The following SYNE2 variants were observed in gnomAD, a reference collection of about 807,000 sequenced individuals.
SYNE2 encodes nesprin-2.
Under a neutral mutation model 856.3 loss-of-function variants are expected in SYNE2, and 431 were observed. The ratio of observed to expected loss-of-function variants is 0.50; its 90% CI spans 0.47 to 0.55. The LOEUF (loss-of-function observed/expected upper bound fraction) is 0.55. SYNE2 is among the 20% of genes least tolerant of loss of function. The probability of loss-of-function intolerance (pLI) is 0.00; values close to 1 mark genes in which losing one functional copy is unlikely to be tolerated. For missense variants in SYNE2, 8,129 were observed against 8,023.2 expected, an observed-to-expected ratio of 1.01 and a Z score of -0.50; for synonymous variants, 2,923 against 2,872.3, an observed-to-expected ratio of 1.02 and a Z score of -0.56.
intron 1 of SYNE2, among the ~76,000 whole-genome samples, chr14:63,836,961 T>G (rs916756176): frequency 4.6e-5 from 7 of 152,218 alleles, no homozygotes; most frequent in Non-Finnish European, 1.5e-5. Flanking sequence ...TGATATTCCA[T>G]TGTAAGAAAA....
intron 2 of SYNE2, among the ~76,000 whole-genome samples, chr14:63,921,620 A>C (rs1386730253): frequency 6.6e-6 from 1 of 152,208 alleles, no homozygotes. Context: ...AGTACCAAGA[A>C]GTATCCATTA....
chr14:63,798,294 C>T (rs1368473978), intron 1 of SYNE2, among the ~76,000 whole-genome samples: 1 of 152,152 alleles, frequency 6.6e-6, no homozygotes, highest in African/African-American at 2.4e-5. Flanking sequence ...AAACAATCTT[C>T]CCACCCTGTC....
intron 1 of SYNE2, among the ~76,000 whole-genome samples, chr14:63,773,050 T>A (rs1886977753): frequency 6.6e-6 from 1 of 152,044 alleles, no homozygotes; most frequent in Non-Finnish European, 1.5e-5. Context: ...AGTGCTGGGA[T>A]TACAGGCATG....
At chr14:64,093,324 C>CT (rs1286642489) in intron 60 of SYNE2, 25 bp from the exon 61 acceptor site, 1 of 1,612,880 alleles carries the variant, frequency 6.2e-7, no homozygotes, top group East Asian at 2.2e-5. Flanking sequence ...GACAAAGATT[C>CT]TTTTTTGTGG....
intron 32 of SYNE2, among the ~76,000 whole-genome samples, chr14:64,012,206 C>T (rs992635975): frequency 1.3e-5 from 2 of 152,100 alleles, no homozygotes; most frequent in Non-Finnish European, 2.9e-5. Flanking sequence ...TTCTCTGCAC[C>T]CTCCCCGCTA....
chr14:63,854,539 G>T (rs1313169793), intron 1 of SYNE2, among the ~76,000 whole-genome samples: 1 of 152,212 alleles, frequency 6.6e-6, no homozygotes, highest in Non-Finnish European at 1.5e-5. Flanking sequence ...TGGGGCGGTG[G>T]GAACAGGTGT....
intron 8 of SYNE2, among the ~76,000 whole-genome samples, chr14:63,956,691 GA>G (rs901083757): frequency 9.6e-5 from 14 of 146,012 alleles, no homozygotes; most frequent in South Asian, 2.2e-4. Flanking sequence ...AAAATATTTG[GA>G]AAAAAAAAAG....
chr14:64,061,955 C>T (rs956364540), intron 49 of SYNE2, among the ~76,000 whole-genome samples: 15 of 152,154 alleles, frequency 9.9e-5, no homozygotes, highest in African/African-American at 3.6e-4. Context: ...CAGTTTGACT[C>T]CCTAATTCCT....
chr14:63,997,700 G>A (rs965448753), intron 25 of SYNE2, among the ~76,000 whole-genome samples: 2 of 152,150 alleles, frequency 1.3e-5, no homozygotes, highest in African/African-American at 2.4e-5. Flanking sequence ...GGTTGAGCTT[G>A]ATCTGTACAG....
chr14:64,139,357 T>G (rs2098122372), intron 79 of SYNE2, among the ~76,000 whole-genome samples: 1 of 144,022 alleles, frequency 6.9e-6, no homozygotes, highest in South Asian at 2.2e-4. Flanking sequence ...TGGGTATACT[T>G]TTGTGTAGCT....
In SYNE2 at chr14:64,226,249, C is replaced by CTTGA. The variant is rs1567713269; in HGVS notation, c.*725_*728dup. ...TGTAAAGTAAATGCCAAACTACCGACTTGATAGGGATGTTTTTGTAAGTTA... is the reference window on the plus strand; with the variant it reads ...TGTAAAGTAAATGCCAAACTACCGACTTGATTGATAGGGATGTTTTTGTAAGTTA... On this transcript the variant is annotated 3_prime_UTR_variant, in exon 116 of 116. Transcript: ENST00000555002. The CTTGA allele has an allele frequency of 7.2e-6, 1 of 138,928 alleles. No homozygotes were observed. The highest frequency in any genetic ancestry group is 1.5e-5 in the Non-Finnish European group (1 of 66,392). The allele number at this position is 138,928 out of a possible 1,614,324, so 8.6% of individuals were successfully genotyped here.
chr14:64,100,534 ATATAT>A lies in SYNE2; in HGVS notation c.12382-1397_12382-1393del, dbSNP rs2097717583. ...TGTCTCAAAAAAAAAAAAAAAAAAT[ATATAT>A]ATATATATATATATATATATATATA... On this transcript the variant is annotated intron_variant, in intron 63 of 115. Transcript: ENST00000555002. Among the ~76,000 whole-genome samples, 119 of 46,596 alleles carry A rather than the reference ATATAT, an allele frequency of 2.6e-3. 2 individuals carry two copies. The highest frequency in any genetic ancestry group is 0.012 in the African/African-American group (99 of 8,468). The allele number at this position is 46,596 out of a possible 152,430, so 30.6% of individuals were successfully genotyped here. A position where few individuals can be genotyped will look rare whatever the true frequency, so the allele number is the denominator to read the frequency against.
intron 11 of SYNE2, among the ~76,000 whole-genome samples, chr14:63,973,631 C>CAAAAAA (rs60498158): frequency 3.0e-5 from 2 of 67,772 alleles, no homozygotes; most frequent in Non-Finnish European, 5.6e-5. Flanking sequence ...GAGTCCATCT[C>CAAAAAA]AAAAAAAAAA....
chr14:64,187,374 T>C (rs1216122615), intron 97 of SYNE2, among the ~76,000 whole-genome samples: 1 of 152,216 alleles, frequency 6.6e-6, no homozygotes, highest in Non-Finnish European at 1.5e-5. Flanking sequence ...TTTAGAACTT[T>C]TCAATTTTTA....
intron 41 of SYNE2, among the ~76,000 whole-genome samples, chr14:64,025,914 A>T (rs956196309): frequency 1.3e-5 from 2 of 152,144 alleles, no homozygotes; most frequent in East Asian, 3.8e-4. Context: ...AAACATTTTT[A>T]AAAATTAAAA....
At chr14:63,866,539 C>T (rs995627091) in intron 1 of SYNE2, among the ~76,000 whole-genome samples, 28 of 151,946 alleles carry the variant, frequency 1.8e-4, no homozygotes, top group African/African-American at 6.8e-4. Context: ...TTCTATATTC[C>T]TTTGGACAAC....
intron 58 of SYNE2, among the ~76,000 whole-genome samples, chr14:64,088,801 T>G (rs2097582960): frequency 6.6e-6 from 1 of 152,164 alleles, no homozygotes. Flanking sequence ...CATTTGTTAC[T>G]CAGTTACATT....
Position 64,065,516 on chromosome 14 carries a change from G to A in SYNE2, c.10297G>A (p.Glu3433Lys), listed in dbSNP as rs1251884268. The stretch of plus-strand genomic sequence containing the variant: ...TAGACTCTTGAGACTCAGGTGCACA[G>A]AAAATGATGGCATATGTTTGCTCAA... ...ILRLLRLRCT[E>K]NDGICLLKIV... The change falls in exon 51 of 116, where the codon GAA becomes AAA. Residue 3433 changes from glutamate to lysine, a missense_variant. Around this residue, in one of 3 missense-constraint regions of SYNE2, gnomAD observed 5,410 missense variants for 5,284.8 expected, o/e 1.02. Transcript: ENST00000555002. The A allele has an allele frequency of 1.2e-6, 2 of 1,613,982 alleles. No homozygotes were observed. The highest frequency in any genetic ancestry group is 1.7e-6 in the Non-Finnish European group (2 of 1,180,020).
intron 1 of SYNE2, among the ~76,000 whole-genome samples, chr14:63,815,183 TATATATATCCATATATATATCC>T (rs1252178888): frequency 1.8e-4 from 10 of 56,602 alleles, no homozygotes; most frequent in African/African-American, 9.8e-4. Context: ...TATATATCCA[TATATATATCCATATATATATCC>T]ATATATATAT....
Sources: allele counts gnomAD v4.1 joint callset (sites outside exome capture counted in the v4.1 genomes callset), GRCh38; gene constraint gnomAD v4.1.1; regional missense constraint gnomAD v4.1.1; transcripts MANE v1.5; gene names NCBI Gene and HGNC (gene_info 2026-07-23, HGNC 2026-07-21).